Variants in FAIM observed in about 807,000 individuals in gnomAD.
FAIM encodes the protein Fas apoptotic inhibitory molecule, also known as fas apoptotic inhibitory molecule 1.
In FAIM, 14 loss-of-function variants were observed where a neutral mutation model predicts 21.2. That is an observed-to-expected ratio of 0.66 (90% CI 0.44 to 1.03). FAIM has a LOEUF of 1.03. Ranked by LOEUF, FAIM falls within the 50% of genes least tolerant of loss-of-function variation. The pLI, the probability that FAIM is intolerant of heterozygous loss-of-function variation, is 0.00. For missense variants in FAIM, 222 were observed against 247.1 expected (o/e 0.90, Z 0.68); for synonymous variants, 86 against 80.4 (o/e 1.07, Z -0.37).
chr3:138,612,820 T>C (rs1019272604), intron 1 of FAIM, among the ~76,000 whole-genome samples: 5 of 152,216 alleles, frequency 3.3e-5, no homozygotes, highest in African/African-American at 7.2e-5. Context: ...ATTCCAGTTT[T>C]TCCACATCCT....
At chr3:138,617,674 T>A (rs13067493) in intron 1 of FAIM, among the ~76,000 whole-genome samples, 1 of 144,742 alleles carries the variant, frequency 6.9e-6, no homozygotes, top group Admixed American at 7.1e-5. Context: ...ATATATGTTT[T>A]GAGACAGGGT....
intron 5 of FAIM, among the ~76,000 whole-genome samples, chr3:138,631,876 C>T (rs2043009024): frequency 6.6e-6 from 1 of 152,056 alleles, no homozygotes; most frequent in Non-Finnish European, 1.5e-5. Context: ...AGCCACGGGC[C>T]ACATCCTTCC....
At chr3:138,616,223 G>T (rs1207894855) in intron 1 of FAIM, among the ~76,000 whole-genome samples, 4 of 152,172 alleles carry the variant, frequency 2.6e-5, no homozygotes, top group Admixed American at 6.5e-5. Context: ...GGTTAAGGCT[G>T]TTGTTATAAG....
rs1372126845 is a variant in FAIM at position 138,629,090 on chromosome 3, T to C, written c.407-17T>C. 2.5e-6 allele frequency: 4 copies of C among 1,585,576 alleles called. No individual in the cohort carries two copies. Among genetic ancestry groups the C allele is most frequent in the Non-Finnish European group, 2.6e-6 (3 of 1,164,720 alleles). ...ATCACAGAATTATAACTTAAAGTTT[T>C]TATGTTACCTTTACAGAAAAAGATG... On this transcript the variant is annotated splice_polypyrimidine_tract_variant and intron_variant, in intron 4 of 5. Transcript: ENST00000360570.
intron 2 of FAIM, chr3:138,621,148 T>C: frequency 2.4e-6 from 1 of 416,908 alleles, no homozygotes; most frequent in Non-Finnish European, 4.3e-6. Context: ...GATGCATTCT[T>C]AATCCTATTA....
At chr3:138,618,243 AATT>A (rs1352283845) in intron 1 of FAIM, among the ~76,000 whole-genome samples, 1 of 152,070 alleles carries the variant, frequency 6.6e-6, no homozygotes, top group African/African-American at 2.4e-5. Flanking sequence ...AAAGTTCACA[AATT>A]TGTGTGGTGC....
At chr3:138,611,280 G>GTT (rs375232579) in intron 1 of FAIM, among the ~76,000 whole-genome samples, 17 of 141,500 alleles carry the variant, frequency 1.2e-4, no homozygotes, top group African/African-American at 4.1e-4. Flanking sequence ...TTCTTTTTTT[G>GTT]TTTTTTTTTT....
rs113645230 is a variant in FAIM at position 138,631,634 on chromosome 3, A to C, written c.457-1296A>C. On this transcript the variant is annotated intron_variant, in intron 5 of 5. Transcript: ENST00000360570. ...CCCCAGTACTGTACGTACCCACAAC[A>C]AACTCATCTTGTTGCCTGTGAGTTA... Among the ~76,000 whole-genome samples the C allele has an allele frequency of 5.0e-3, 760 of 152,270 alleles. 7 individuals carry two copies. The highest frequency in any genetic ancestry group is 0.018 in the African/African-American group (728 of 41,556).
rs537603203 is a variant in FAIM, at chr3:138,617,783, TATATA to T, written c.-16-1922_-16-1918del. Among the ~76,000 whole-genome samples, 13 of 145,424 alleles carry T rather than the reference TATATA, an allele frequency of 8.9e-5. No individual in the cohort carries two copies. The East Asian group carries it at 2.4e-3, about 26-fold the overall frequency. The stretch of plus-strand genomic sequence containing the variant: ...TGTATATAGTATCTACTATATATAA[TATATA>T]ATATATATTATTATTTTGGACATAG... On this transcript the variant is annotated intron_variant, in intron 1 of 5. Transcript: ENST00000360570.
At chr3:138,628,306 G>A (rs1399512571) in intron 4 of FAIM, among the ~76,000 whole-genome samples, 1 of 152,076 alleles carries the variant, frequency 6.6e-6, no homozygotes, top group Non-Finnish European at 1.5e-5. Context: ...CGGACATGCT[G>A]TCTATCCTAT....
intron 4 of FAIM, 47 bp downstream of exon 4, chr3:138,622,463 G>A: frequency 8.1e-7 from 1 of 1,240,978 alleles, no homozygotes; most frequent in Non-Finnish European, 1.1e-6. Context: ...TTTTTATAAT[G>A]TCTGTTTAAT....
At chr3:138,629,271 C>T (rs1157860949) in intron 5 of FAIM, 115 bp downstream of exon 5, 4 of 814,352 alleles carry the variant, frequency 4.9e-6, no homozygotes, top group Non-Finnish European at 7.8e-6. Flanking sequence ...TTGATAAAAA[C>T]AAAAAAGGGA....
chr3:138,627,709 G>C (rs2042953512), intron 4 of FAIM, among the ~76,000 whole-genome samples: 1 of 152,162 alleles, frequency 6.6e-6, no homozygotes, highest in Non-Finnish European at 1.5e-5. Flanking sequence ...CTGCACCTGT[G>C]ACTATAGCAG....
chr3:138,632,017 T>C (rs2043010911), intron 5 of FAIM, among the ~76,000 whole-genome samples: 1 of 152,062 alleles, frequency 6.6e-6, no homozygotes, highest in Admixed American at 6.6e-5. Flanking sequence ...AAGTCTGATT[T>C]TTGGTTTCTT....
At position 138,629,152 on chromosome 3, in the gene FAIM, C is replaced by T. The variant is rs751189481; in HGVS notation, c.452C>T (p.Thr151Ile). ...TGGTGCAATGGTAAAAAATTGGAGA[C>T]AGCGGTAAGTTGACTATTTGATGAC... is the stretch of plus-strand genomic sequence containing the variant. ...DVWCNGKKLE[T>I]AGEFVDDGTE... Residue 151 changes from threonine (T) to isoleucine (I), a missense_variant, in exon 5 of 6, where the codon ACA (threonine) becomes ATA (isoleucine). Transcript: ENST00000360570. The T allele has an allele frequency of 9.3e-6, 15 of 1,610,362 alleles. No homozygotes were observed. The highest frequency in any genetic ancestry group is 1.3e-5 in the Non-Finnish European group (15 of 1,178,276).
At chr3:138,631,560 C>T (rs2043005661) in intron 5 of FAIM, among the ~76,000 whole-genome samples, 1 of 152,188 alleles carries the variant, frequency 6.6e-6, no homozygotes, top group Non-Finnish European at 1.5e-5. Flanking sequence ...ATTGTAACTA[C>T]AACCTAGTTT....
chr3:138,627,322 C>G lies in FAIM; in HGVS notation c.407-1785C>G, dbSNP rs1284427148. 2.0e-5 allele frequency among the ~76,000 whole-genome samples: 3 copies of G among 151,708 alleles called. No individual in the cohort carries two copies. In the East Asian group the frequency reaches 5.8e-4, roughly 29 times the overall value. On this transcript the variant is annotated intron_variant, in intron 4 of 5. Coordinates refer to ENST00000360570, the MANE Select transcript of FAIM (RefSeq NM_001033031.2). ...TCAGCCTCCTGAGTAGCTGGGATTA[C>G]AGGCGCCCGCCACTACGTCCAGCTA...
At chr3:138,626,672 G>C (rs886658917) in intron 4 of FAIM, among the ~76,000 whole-genome samples, 5 of 152,154 alleles carry the variant, frequency 3.3e-5, no homozygotes, top group African/African-American at 7.2e-5. Context: ...ATGCCTCTTG[G>C]AACAGGACAC....
Position 138,632,980 on chromosome 3 carries a change from T to A in FAIM, c.507T>A (p.His169Gln). The A allele has an allele frequency of 6.2e-7, 1 of 1,613,860 alleles. No individual in the cohort carries two copies. Among genetic ancestry groups the A allele is most frequent in the South Asian group, 1.1e-5 (1 of 91,050 alleles). ...AAACTCACTTCAGTATCGGGAACCA[T>A]GACTGTTACATAAAGGCTGTCAGTA... The part of the protein sequence containing the change: ...GTETHFSIGN[H>Q]DCYIKAVSSG... The change falls in exon 6 of 6, where the codon CAT becomes CAA. Residue 169 changes from histidine (H) to glutamine (Q), a missense_variant. Coordinates refer to ENST00000360570, the MANE Select transcript of FAIM (RefSeq NM_001033031.2).
Sources: allele counts gnomAD v4.1 joint callset (sites outside exome capture counted in the v4.1 genomes callset), GRCh38; gene constraint gnomAD v4.1.1; transcripts MANE v1.5; gene names NCBI Gene and HGNC (gene_info 2026-07-23, HGNC 2026-07-21).